TACC2: variants seen among roughly 807,000 people sequenced by gnomAD.
TACC2 encodes transforming acidic coiled-coil-containing protein 2.
A neutral mutation model predicts 227.3 loss-of-function variants in TACC2; 137 were observed. The ratio of observed to expected loss-of-function variants is 0.60; its 90% CI spans 0.52 to 0.69. The LOEUF is 0.69. Among genes scored for constraint, TACC2 ranks in the 30% least tolerant of loss-of-function variants. TACC2 has a pLI of 0.00. For missense variants in TACC2, 3,470 were observed against 3,694.4 expected, an observed-to-expected ratio of 0.94 and a Z score of 1.57; for synonymous variants, 1,523 against 1,487.5, an observed-to-expected ratio of 1.02 and a Z score of -0.55.
At chr10:122,240,429 A>G (rs535461107) in intron 18 of TACC2, among the ~76,000 whole-genome samples, 2 of 152,328 alleles carry the variant, frequency 1.3e-5, no homozygotes, top group African/African-American at 4.8e-5. Context: ...CCTTGGGACC[A>G]AGGTTGAGCA....
In TACC2 at chr10:122,034,597, T is replaced by C. The variant is rs149992213; in HGVS notation, c.33+12583T>C. 2.8e-3 allele frequency among the ~76,000 whole-genome samples: 424 copies of C among 152,216 alleles called. 4 individuals carry two copies. The highest frequency in any genetic ancestry group is 9.3e-3 in the African/African-American group (387 of 41,538). On this transcript the variant is annotated intron_variant, in intron 2 of 22. Coordinates refer to ENST00000369005, the MANE Select transcript of TACC2 (RefSeq NM_206862.4). ...CACCCTGACCTTCCATCAGCACAAC[T>C]TACCCTATACAGCCTTATACTGCAA...
At chr10:122,105,624 C>T (rs904123485) in intron 5 of TACC2, among the ~76,000 whole-genome samples, 3 of 144,540 alleles carry the variant, frequency 2.1e-5, no homozygotes, top group Admixed American at 6.9e-5. Flanking sequence ...GTCTTAAACA[C>T]TTTTTTTTTT....
chr10:122,222,774 G>A (rs534192387), intron 11 of TACC2, among the ~76,000 whole-genome samples: 1 of 152,304 alleles, frequency 6.6e-6, no homozygotes, highest in East Asian at 1.9e-4. Context: ...GTGGTCTGTT[G>A]CTCGTTTGGT....
chr10:122,176,418 G>A (rs1292064357), intron 7 of TACC2, among the ~76,000 whole-genome samples: 1 of 152,050 alleles, frequency 6.6e-6, no homozygotes. Flanking sequence ...TTGCGCCCTC[G>A]GTTGGACAGT....
Position 122,083,941 on chromosome 10 carries a change from C to T in TACC2, c.1441C>T (p.His481Tyr). 6.2e-7 allele frequency: 1 copy of T among 1,614,044 alleles called. No homozygotes were observed. The highest frequency in any genetic ancestry group is 8.5e-7 in the Non-Finnish European group (1 of 1,180,002). The change falls in exon 4 of 23, where the codon CAT becomes TAT. Residue 481 changes from histidine to tyrosine, a missense_variant. Physicochemically the swap from His to Tyr is moderately conservative, Grantham distance 83 (BLOSUM62 2). Transcript: ENST00000369005. ...QVSDLGSKGE[H>Y]PEGDPGEVPA... ...GTCAGATCTTGGAAGCAAGGGAGAG[C>T]ATCCAGAAGGGGACCCTGGAGAGGT... is the stretch of plus-strand genomic sequence containing the variant.
At chr10:122,021,888 C>T in intron 1 of TACC2, 49 bp from the exon 2 acceptor site, 1 of 1,173,446 alleles carries the variant, frequency 8.5e-7, no homozygotes, top group Non-Finnish European at 1.3e-6. Flanking sequence ...GAAAAAACCT[C>T]AGATCTTTTT....
At chr10:122,098,276 A>G (rs1219259344) in intron 5 of TACC2, among the ~76,000 whole-genome samples, 2 of 152,208 alleles carry the variant, frequency 1.3e-5, no homozygotes, top group African/African-American at 4.8e-5. Flanking sequence ...CCTCTGGCTA[A>G]GAGAATAAGC....
chr10:122,242,084 A>C, intron 19 of TACC2, 83 bp downstream of exon 19: 1 of 1,322,570 alleles, frequency 7.6e-7, no homozygotes, highest in Admixed American at 1.7e-5. Flanking sequence ...GGAGGCTCAG[A>C]GTGGGTTTCT....
intron 8 of TACC2, among the ~76,000 whole-genome samples, chr10:122,203,530 C>G (rs1016871714): frequency 6.6e-6 from 1 of 150,892 alleles, no homozygotes; most frequent in African/African-American, 2.4e-5. Flanking sequence ...ACGGGGCGGC[C>G]GGGCAGAGAC....
At chr10:122,227,328 A>C (rs1008878738) in intron 13 of TACC2, among the ~76,000 whole-genome samples, 9 of 152,154 alleles carry the variant, frequency 5.9e-5, no homozygotes, top group African/African-American at 1.2e-4. Flanking sequence ...CTGCCCCTTT[A>C]AGCAGGAGTA....
At chr10:122,163,682 T>A (rs1474992494) in intron 7 of TACC2, 2 of 1,066,680 alleles carry the variant, frequency 1.9e-6, no homozygotes, top group East Asian at 6.5e-5. Context: ...CCGGCCACAC[T>A]CGGGCGCGCG....
chr10:122,185,558 A>T (rs2094156757), intron 7 of TACC2, among the ~76,000 whole-genome samples: 1 of 152,188 alleles, frequency 6.6e-6, no homozygotes, highest in African/African-American at 2.4e-5. Flanking sequence ...TTCTCATTTA[A>T]TTTGGATTCT....
chr10:122,197,949 T>C (rs989177241), intron 8 of TACC2, among the ~76,000 whole-genome samples: 1 of 152,218 alleles, frequency 6.6e-6, no homozygotes, highest in Non-Finnish European at 1.5e-5. Context: ...GAAGAAAGAT[T>C]TGTTCTCTCA....
chr10:122,157,435 A>G (rs571279188), intron 7 of TACC2, among the ~76,000 whole-genome samples: 60 of 152,318 alleles, frequency 3.9e-4, no homozygotes, highest in Admixed American at 1.6e-3. Flanking sequence ...ATCAGCCACC[A>G]TATACATACA....
At chr10:122,007,105 G>C (rs1329907651) in intron 1 of TACC2, among the ~76,000 whole-genome samples, 2 of 151,942 alleles carry the variant, frequency 1.3e-5, no homozygotes, top group African/African-American at 4.8e-5. Flanking sequence ...TAGGTGATCT[G>C]CCAACCTCGG....
In TACC2 at chr10:122,194,010, T is replaced by C. The variant is rs551946096; in HGVS notation, c.5835-1030T>C. Among the ~76,000 whole-genome samples the C allele has an allele frequency of 6.6e-6, 1 of 152,312 alleles. No homozygotes were observed. Among genetic ancestry groups the C allele is most frequent in the East Asian group, 1.9e-4 (1 of 5,178 alleles). On this transcript the variant is annotated intron_variant, in intron 7 of 22. Transcript: ENST00000369005. The surrounding 1 kb of genome is among the most constrained non-coding windows in gnomAD (Gnocchi z 4.4). ...ATAGCTCACTGCAGCCTCAAACTTC[T>C]GGGCTTAAGTGATCCTCCTGCCTCA...
At chr10:122,240,034 T>G (rs2095952441) in intron 18 of TACC2, among the ~76,000 whole-genome samples, 1 of 152,226 alleles carries the variant, frequency 6.6e-6, no homozygotes, top group African/African-American at 2.4e-5. Context: ...CTTGGCAGCC[T>G]TGGGATCCTG....
intron 5 of TACC2, among the ~76,000 whole-genome samples, chr10:122,117,846 A>C (rs2084985916): frequency 6.6e-6 from 1 of 152,158 alleles, no homozygotes; most frequent in African/African-American, 2.4e-5. Context: ...GACAAGAGAC[A>C]GTAAGCAGCT....
At position 122,084,406 on chromosome 10, in the gene TACC2, C is replaced by T; in HGVS notation, c.1906C>T (p.Pro636Ser). 2.5e-6 allele frequency: 4 copies of T among 1,613,102 alleles called. No individual in the cohort carries two copies. The highest frequency in any genetic ancestry group is 3.4e-6 in the Non-Finnish European group (4 of 1,180,018). The change falls in exon 4 of 23, where the codon CCC (proline) becomes TCC (serine). Residue 636 changes from proline (P) to serine (S), a missense_variant. By Grantham distance (74) the Pro-to-Ser change is moderately conservative. Coordinates refer to ENST00000369005, the MANE Select transcript of TACC2 (RefSeq NM_206862.4). The part of the protein sequence containing the change: ...DHPSSHSAQP[P>S]RKGGAGHTDG... ...TCCCAGCTCACACTCAGCACAGCCA[C>T]CCAGAAAGGGGGGTGCTGGGCACAC...
Sources: gnomAD v4.1 joint callset for allele counts (sites outside exome capture counted in the v4.1 genomes callset) on GRCh38, gnomAD v4.1.1 for gene constraint, Gnocchi (gnomAD v3.1) non-coding constraint, MANE v1.5 for transcripts, NCBI Gene and HGNC (gene_info 2026-07-23, HGNC 2026-07-21) for gene names.